Variants in LRMDA observed in about 807,000 individuals in gnomAD.
The protein encoded by LRMDA is leucine rich melanocyte differentiation associated.
A neutral mutation model predicts 29.8 loss-of-function variants in LRMDA; 18 were observed. That is an observed-to-expected ratio of 0.60 (90% CI 0.42 to 0.90). The LOEUF (loss-of-function observed/expected upper bound fraction) is 0.90, where lower values mean the gene tolerates loss of function less well. Among genes scored for constraint, LRMDA ranks in the 40% least tolerant of loss-of-function variants. The pLI is 0.00. For synonymous variants in LRMDA, 125 were observed against 109.4 expected (o/e 1.14, Z -0.89); for missense variants, 273 against 273.9 (o/e 1.00, Z 0.02).
intron 2 of LRMDA, among the ~76,000 whole-genome samples, chr10:75,817,277 A>C (rs1188076099): frequency 2.0e-5 from 3 of 152,228 alleles, no homozygotes; most frequent in Non-Finnish European, 4.4e-5. Flanking sequence ...AAGGAGCCAC[A>C]TTTTGTTTTA....
intron 6 of LRMDA, among the ~76,000 whole-genome samples, chr10:76,442,888 A>G (rs370408332): frequency 6.6e-5 from 10 of 152,316 alleles, no homozygotes; most frequent in Admixed American, 2.6e-4. Context: ...GGGAAGATGC[A>G]ATCATTCTTC....
intron 2 of LRMDA, among the ~76,000 whole-genome samples, chr10:75,799,696 G>A: frequency 6.6e-6 from 1 of 150,744 alleles, no homozygotes; most frequent in East Asian, 2.0e-4. Flanking sequence ...GTGTGTGTGT[G>A]TGTGTGTGTG....
At chr10:75,463,766 C>A (rs1047620718) in intron 2 of LRMDA, among the ~76,000 whole-genome samples, 1 of 152,174 alleles carries the variant, frequency 6.6e-6, no homozygotes, top group Admixed American at 6.5e-5. Flanking sequence ...CTCCCAGGTT[C>A]AAGCGAATCT....
intron 2 of LRMDA, among the ~76,000 whole-genome samples, chr10:75,975,300 G>A (rs1296096133): frequency 2.0e-5 from 3 of 152,180 alleles, no homozygotes; most frequent in African/African-American, 7.2e-5. Context: ...TGTTTCCCAG[G>A]ACTTCCTGAT....
intron 2 of LRMDA, among the ~76,000 whole-genome samples, chr10:75,643,578 T>A (rs143202027): frequency 6.6e-6 from 1 of 152,324 alleles, no homozygotes; most frequent in East Asian, 1.9e-4. Context: ...AATGTCACAT[T>A]CTAGAAGGGC....
At chr10:75,800,855 C>G (rs980272821) in intron 2 of LRMDA, among the ~76,000 whole-genome samples, 1 of 152,126 alleles carries the variant, frequency 6.6e-6, no homozygotes, top group Non-Finnish European at 1.5e-5. Flanking sequence ...CTGTTATCTC[C>G]CCCTGAAAAG....
intron 2 of LRMDA, among the ~76,000 whole-genome samples, chr10:75,528,863 G>A (rs1441830746): frequency 6.6e-6 from 1 of 152,046 alleles, no homozygotes; most frequent in Non-Finnish European, 1.5e-5. Flanking sequence ...GCATAGCACT[G>A]AAACAAGAAC....
chr10:76,174,252 C>T (rs931960198), intron 5 of LRMDA, among the ~76,000 whole-genome samples: 8 of 151,780 alleles, frequency 5.3e-5, no homozygotes, highest in African/African-American at 7.3e-5. Context: ...TATCATGTAC[C>T]CCATAAATAT....
intron 6 of LRMDA, among the ~76,000 whole-genome samples, chr10:76,551,962 C>CCT (rs1843501274): frequency 6.6e-6 from 1 of 152,114 alleles, no homozygotes; most frequent in East Asian, 1.9e-4. Context: ...TCATCCCCTG[C>CCT]CTCCATCCTA....
At chr10:76,530,223 T>G (rs1454250582) in intron 6 of LRMDA, among the ~76,000 whole-genome samples, 1 of 152,176 alleles carries the variant, frequency 6.6e-6, no homozygotes, top group Non-Finnish European at 1.5e-5. Flanking sequence ...TAGTTATTTT[T>G]AAGACTACTC....
intron 2 of LRMDA, among the ~76,000 whole-genome samples, chr10:75,490,336 T>TACACAC (rs56077469): frequency 4.0e-5 from 6 of 148,622 alleles, no homozygotes; most frequent in Admixed American, 1.3e-4. Flanking sequence ...CATGTACACA[T>TACACAC]ACACACACAC....
intron 2 of LRMDA, among the ~76,000 whole-genome samples, chr10:75,861,988 G>C (rs1844938535): frequency 6.6e-6 from 1 of 152,130 alleles, no homozygotes; most frequent in South Asian, 2.1e-4. Context: ...AGATTCTTGA[G>C]ATATAAGTGA....
chr10:75,816,920 A>G (rs1043479016), intron 2 of LRMDA, among the ~76,000 whole-genome samples: 1 of 152,194 alleles, frequency 6.6e-6, no homozygotes, highest in Non-Finnish European at 1.5e-5. Context: ...TCAAGGGCAA[A>G]CATGGCCATG....
intron 2 of LRMDA, among the ~76,000 whole-genome samples, chr10:75,758,918 G>C (rs1377245559): frequency 6.6e-6 from 1 of 151,842 alleles, no homozygotes; most frequent in African/African-American, 2.4e-5. Context: ...ATTGCCAGGG[G>C]TGGGACATAG....
At chr10:75,959,791 A>C (rs1357330155) in intron 2 of LRMDA, among the ~76,000 whole-genome samples, 1 of 152,220 alleles carries the variant, frequency 6.6e-6, no homozygotes, top group Non-Finnish European at 1.5e-5. Context: ...GTTGATGCTC[A>C]GTATTCAGTA....
At chr10:75,777,911 G>A (rs1843334001) in intron 2 of LRMDA, among the ~76,000 whole-genome samples, 3 of 152,068 alleles carry the variant, frequency 2.0e-5, no homozygotes, top group Admixed American at 1.3e-4. Flanking sequence ...GCACATATAT[G>A]CTATATGATG....
intron 6 of LRMDA, among the ~76,000 whole-genome samples, chr10:76,457,857 T>G (rs996990602): frequency 1.3e-5 from 2 of 152,136 alleles, no homozygotes; most frequent in Non-Finnish European, 2.9e-5. Flanking sequence ...TTGCAGAGAC[T>G]TTATAGGGTG....
At chr10:75,482,257 T>A (rs1844863127) in intron 2 of LRMDA, among the ~76,000 whole-genome samples, 1 of 152,198 alleles carries the variant, frequency 6.6e-6, no homozygotes, top group Non-Finnish European at 1.5e-5. Flanking sequence ...TTCTTGAGCT[T>A]CTGCCATTGC....
chr10:75,506,942 T>C (rs2132029692), intron 2 of LRMDA, among the ~76,000 whole-genome samples: 1 of 152,280 alleles, frequency 6.6e-6, no homozygotes, highest in African/African-American at 2.4e-5. Flanking sequence ...CTGGCTGCCT[T>C]TCCCCCATTT....
Sources: gnomAD v4.1 joint callset for allele counts (sites outside exome capture counted in the v4.1 genomes callset) on GRCh38, gnomAD v4.1.1 for gene constraint, MANE v1.5 for transcripts, NCBI Gene and HGNC (gene_info 2026-07-23, HGNC 2026-07-21) for gene names.